IFNAR1: variants seen among roughly 807,000 people sequenced by gnomAD.
The protein encoded by IFNAR1 is interferon alpha and beta receptor subunit 1, also known as interferon alpha/beta receptor 1.
Under a neutral mutation model 62.1 loss-of-function variants are expected in IFNAR1, and 47 were observed. The ratio of observed to expected loss-of-function variants is 0.76; its 90% CI spans 0.60 to 0.97. The LOEUF (loss-of-function observed/expected upper bound fraction) is 0.97, where lower values mean the gene tolerates loss of function less well. Among genes scored for constraint, IFNAR1 ranks in the 50% least tolerant of loss-of-function variants. The probability of loss-of-function intolerance (pLI) is 0.00; values close to 1 mark genes in which losing one functional copy is unlikely to be tolerated. For missense variants in IFNAR1, 638 were observed against 654.5 expected (o/e 0.97, Z 0.27); for synonymous variants, 219 against 226.9 (o/e 0.97, Z 0.31).
At chr21:33,345,147 A>C (rs908895898) in intron 5 of IFNAR1, 99 bp from the exon 6 acceptor site, 94 of 662,364 alleles carry the variant, frequency 1.4e-4, no homozygotes, top group South Asian at 1.3e-3. Flanking sequence ...ATATTTAACT[A>C]TTACCTTATA....
At position 33,355,521 on chromosome 21, in the gene IFNAR1, G is replaced by T; in HGVS notation, c.1646G>T (p.Ser549Ile). 6.3e-7 allele frequency: 1 copy of T among 1,597,056 alleles called. No homozygotes were observed. Among genetic ancestry groups the T allele is most frequent in the Non-Finnish European group, 8.5e-7 (1 of 1,172,782 alleles). The change falls in exon 11 of 11, where the codon AGT becomes ATT. Residue 549 changes from serine to isoleucine, a missense_variant. Coordinates refer to ENST00000270139, the MANE Select transcript of IFNAR1 (RefSeq NM_000629.3). ...SNEDESESKT[S>I]EELQQDFV ...GAAGATGAAAGCGAAAGTAAAACAA[G>T]TGAAGAACTACAGCAGGACTTTGTA...
Position 33,345,323 on chromosome 21 carries a change from A to G in IFNAR1, c.751A>G (p.Thr251Ala). The G allele has an allele frequency of 6.3e-7, 1 of 1,599,942 alleles. No homozygotes were observed. The highest frequency in any genetic ancestry group is 1.7e-4 in the Middle Eastern group (1 of 6,028). ...NQNYVLKWDY[T>A]YANMTFQVQW... ...GAACTATGTTCTTAAATGGGATTAT[A>G]CATATGCAAACATGACCTTTCAAGT... The change falls in exon 6 of 11, where the codon ACA becomes GCA. Residue 251 changes from threonine (T) to alanine (A), a missense_variant. Physicochemically the swap from Thr to Ala is moderately conservative, Grantham distance 58. Coordinates refer to ENST00000270139, the MANE Select transcript of IFNAR1 (RefSeq NM_000629.3).
chr21:33,343,756 GT>G, intron 5 of IFNAR1, 80 bp downstream of exon 5: 1 of 869,542 alleles, frequency 1.2e-6, no homozygotes, highest in Non-Finnish European at 1.8e-6. Flanking sequence ...TATTGCTGAA[GT>G]TTACATGATA....
At chr21:33,349,032 T>C in intron 6 of IFNAR1, 59 bp from the exon 7 acceptor site, 1 of 1,055,810 alleles carries the variant, frequency 9.5e-7, no homozygotes, top group Non-Finnish European at 1.4e-6. Context: ...ACATAGTGTC[T>C]GGCAATTGTA....
chr21:33,355,463 C>T lies in IFNAR1; in HGVS notation c.1588C>T (p.Gln530Ter). The change falls in exon 11 of 11, where the codon CAA becomes TAA. Residue 530 changes from glutamine (Q) to a stop codon, truncating the protein, a stop_gained. Coordinates refer to ENST00000270139, the MANE Select transcript of IFNAR1 (RefSeq NM_000629.3). LOFTEE classifies it high-confidence loss of function. ...TGAAGATCATAAAAAATACAGTTCCCAAACTAGCCAAGATTCAGGAAATTA... is the reference window on the plus strand; with the variant it reads ...TGAAGATCATAAAAAATACAGTTCCTAAACTAGCCAAGATTCAGGAAATTA... ...TDEDHKKYSS[Q>*]TSQDSGNYSN... 1 of 1,607,488 alleles carries T rather than the reference C, an allele frequency of 6.2e-7. No homozygotes were observed. Among genetic ancestry groups the T allele is most frequent in the Non-Finnish European group, 8.5e-7 (1 of 1,176,912 alleles).
chr21:33,355,518 CAAGTG>C lies in IFNAR1; in HGVS notation c.1647_1651del (p.Ser549ArgfsTer17), dbSNP rs1377738794. ...AATGAAGATGAAAGCGAAAGTAAAA[CAAGTG>C]AAGAACTACAGCAGGACTTTGTATG... On this transcript the variant is annotated frameshift_variant, in exon 11 of 11. Transcript: ENST00000270139. LOFTEE classifies it high-confidence loss of function. 30 of 1,598,102 alleles carry C rather than the reference CAAGTG, an allele frequency of 1.9e-5. No individual in the cohort carries two copies. The highest frequency in any genetic ancestry group is 5.4e-5 in the African/African-American group (4 of 73,936).
chr21:33,341,307 A>G (rs2083290913), intron 3 of IFNAR1, 133 bp downstream of exon 3: 1 of 607,094 alleles, frequency 1.6e-6, no homozygotes, highest in Non-Finnish European at 2.8e-6. Flanking sequence ...TTAAACCTAT[A>G]TCTTCTTCCT....
chr21:33,324,994 G>C lies in IFNAR1; in HGVS notation c.-62G>C. On this transcript the variant is annotated 5_prime_UTR_variant, in exon 1 of 11. Coordinates refer to ENST00000270139, the MANE Select transcript of IFNAR1 (RefSeq NM_000629.3). ...CGGTGTGACTTAGGACGGGGCGATGGCGGCTGAGAGGAGCTGCGCGTGCGC... is the reference window on the plus strand; with the variant it reads ...CGGTGTGACTTAGGACGGGGCGATGCCGGCTGAGAGGAGCTGCGCGTGCGC... The C allele has an allele frequency of 6.8e-7, 1 of 1,462,668 alleles. No homozygotes were observed. Among genetic ancestry groups the C allele is most frequent in the South Asian group, 1.2e-5 (1 of 82,040 alleles). The allele number at this position is 1,462,668 out of a possible 1,614,324, so 90.6% of individuals were successfully genotyped here.
intron 1 of IFNAR1, among the ~76,000 whole-genome samples, chr21:33,334,086 G>A (rs2083209507): frequency 6.6e-6 from 1 of 151,910 alleles, no homozygotes; most frequent in South Asian, 2.1e-4. Flanking sequence ...AGACAAAGAA[G>A]GTTATTATAT....
intron 8 of IFNAR1, among the ~76,000 whole-genome samples, chr21:33,349,882 C>T (rs931512345): frequency 6.6e-6 from 1 of 151,632 alleles, no homozygotes. Flanking sequence ...CGTGCCACTG[C>T]ACTCCAGCCT....
chr21:33,339,927 C>CAA (rs532975886), intron 2 of IFNAR1, among the ~76,000 whole-genome samples: 58 of 81,698 alleles, frequency 7.1e-4, no homozygotes, highest in East Asian at 1.1e-3. Context: ...GACTCTGTCT[C>CAA]AAAAAAAAAA....
intron 1 of IFNAR1, among the ~76,000 whole-genome samples, chr21:33,328,110 G>A (rs17875768): frequency 0.017 from 2,513 of 152,188 alleles, 80 homozygotes; most frequent in African/African-American, 0.058. Context: ...TGTTTTGTTT[G>A]TTTTCTTTCT....
At chr21:33,334,498 A>C in intron 1 of IFNAR1, 1 of 365,578 alleles carries the variant, frequency 2.7e-6, no homozygotes, top group Non-Finnish European at 5.3e-6. Flanking sequence ...CAAAAGCATA[A>C]GGAAATTAAG....
chr21:33,326,212 CTTTTT>C (rs3989181), intron 1 of IFNAR1, among the ~76,000 whole-genome samples: 27 of 138,308 alleles, frequency 2.0e-4, no homozygotes, highest in African/African-American at 6.0e-4. Flanking sequence ...TTTATTTATA[CTTTTT>C]TTTTTTTTTT....
intron 2 of IFNAR1, among the ~76,000 whole-genome samples, chr21:33,336,832 C>A (rs2083242155): frequency 6.7e-6 from 1 of 148,568 alleles, no homozygotes; most frequent in Non-Finnish European, 1.5e-5. Flanking sequence ...CTCACTGCAA[C>A]CTCCACTTCC....
chr21:33,341,238 C>A, intron 3 of IFNAR1, 64 bp downstream of exon 3: 1 of 1,288,072 alleles, frequency 7.8e-7, no homozygotes, highest in Non-Finnish European at 1.1e-6. Context: ...GTTCACTTTC[C>A]AAGCCATTCA....
At chr21:33,335,453 A>C in intron 1 of IFNAR1, 71 bp from the exon 2 acceptor site, 2 of 829,674 alleles carry the variant, frequency 2.4e-6, no homozygotes, top group South Asian at 2.2e-5. Flanking sequence ...CAGGGATGTG[A>C]GGGATAGAAT....
At chr21:33,328,087 CAT>C (rs2083143222) in intron 1 of IFNAR1, among the ~76,000 whole-genome samples, 1 of 152,170 alleles carries the variant, frequency 6.6e-6, no homozygotes, top group Non-Finnish European at 1.5e-5. Flanking sequence ...TTTCTTAAAA[CAT>C]GAGGGGTTTT....
At chr21:33,351,551 TA>T (rs199929338) in intron 8 of IFNAR1, among the ~76,000 whole-genome samples, 33 of 149,240 alleles carry the variant, frequency 2.2e-4, no homozygotes, top group East Asian at 1.4e-3. Context: ...TATTTTATTT[TA>T]TTTTTTTTTT....
Sources: gnomAD v4.1 joint callset for allele counts (sites outside exome capture counted in the v4.1 genomes callset) on GRCh38, gnomAD v4.1.1 for gene constraint, MANE v1.5 for transcripts, NCBI Gene and HGNC (gene_info 2026-07-23, HGNC 2026-07-21) for gene names.